Variants in PPIP5K2 observed in about 807,000 individuals in gnomAD.
PPIP5K2 encodes the protein diphosphoinositol pentakisphosphate kinase 2.
PPIP5K2 carries 105 observed loss-of-function variants against 154.6 expected under a neutral mutation model. The ratio of observed to expected loss-of-function variants is 0.68; its 90% CI spans 0.58 to 0.80. The LOEUF is 0.80. PPIP5K2 is among the 30% of genes least tolerant of loss of function. The pLI is 0.00. For missense variants in PPIP5K2, 992 were observed against 1,504.6 expected (o/e 0.66, Z 5.64); for synonymous variants, 480 against 490.3 (o/e 0.98, Z 0.28).
chr5:103,144,181 C>T (rs1278474384), intron 5 of PPIP5K2, among the ~76,000 whole-genome samples: 1 of 150,898 alleles, frequency 6.6e-6, no homozygotes, highest in African/African-American at 2.4e-5. Context: ...ATCCCATTTA[C>T]AATAGCTACA....
At chr5:103,173,757 A>G (rs1342970102) in intron 20 of PPIP5K2, 101 bp from the exon 21 acceptor site, 3 of 795,862 alleles carry the variant, frequency 3.8e-6, no homozygotes, top group South Asian at 1.6e-5. Flanking sequence ...GTGGTCTTTT[A>G]CTTCTAGTGA....
At chr5:103,195,927 G>C (rs1209677226) in intron 30 of PPIP5K2, among the ~76,000 whole-genome samples, 2 of 152,184 alleles carry the variant, frequency 1.3e-5, no homozygotes, top group African/African-American at 4.8e-5. Context: ...TATTAGCTAT[G>C]TGACTCTGGA....
At position 103,174,186 on chromosome 5, in the gene PPIP5K2, ATAAAG is replaced by A. The variant is rs1349138870; in HGVS notation, c.2529+217_2529+221del. On this transcript the variant is annotated intron_variant, in intron 21 of 30. Coordinates refer to ENST00000358359, the MANE Select transcript of PPIP5K2 (RefSeq NM_001276277.3). ...AAGATACATTTAAGCAAACAATAAT[ATAAAG>A]TATTTTAGGTGATTTTATAGACTGG... 43 of 412,296 alleles carry A rather than the reference ATAAAG, an allele frequency of 1.0e-4. No individual in the cohort carries two copies. The East Asian group carries it at 1.8e-3, about 18-fold the overall frequency. The allele number at this position is 412,296 out of a possible 1,614,324, so 25.5% of individuals were successfully genotyped here. A position where few individuals can be genotyped will look rare whatever the true frequency, so the allele number is the denominator to read the frequency against.
chr5:103,144,387 A>C (rs926222115), intron 5 of PPIP5K2, among the ~76,000 whole-genome samples: 2 of 152,166 alleles, frequency 1.3e-5, no homozygotes, highest in Admixed American at 1.3e-4. Context: ...CAATGCAGTC[A>C]GAATAGCAAA....
chr5:103,174,188 A>G (rs1158847239), intron 21 of PPIP5K2: 1 of 403,740 alleles, frequency 2.5e-6, no homozygotes, highest in Non-Finnish European at 4.4e-6. Context: ...ACAATAATAT[A>G]AAGTATTTTA....
intron 19 of PPIP5K2, among the ~76,000 whole-genome samples, chr5:103,170,487 G>T (rs1797811845): frequency 6.6e-6 from 1 of 151,474 alleles, no homozygotes; most frequent in African/African-American, 2.4e-5. Context: ...TTATGCCCAA[G>T]TTTACATAAA....
Position 103,152,744 on chromosome 5 carries a change from A to G in PPIP5K2, c.1125A>G (p.Gly375=). 6.5e-7 allele frequency: 1 copy of G among 1,539,742 alleles called. No homozygotes were observed. The highest frequency in any genetic ancestry group is 9.0e-7 in the Non-Finnish European group (1 of 1,114,128). The change falls in exon 10 of 31, where the codon GGA becomes GGG. Residue 375 remains glycine, a synonymous_variant. Coordinates refer to ENST00000358359, the MANE Select transcript of PPIP5K2 (RefSeq NM_001276277.3). ...TCCCAATTGTACCAACTACATCTGG[A>G]ACTATGTAAGTCTGAATTATTTTCA... is the stretch of plus-strand genomic sequence containing the variant. ...EDIPIVPTTS[G]TMMELRCVIA...
At chr5:103,164,495 A>G (rs1399269896) in intron 17 of PPIP5K2, among the ~76,000 whole-genome samples, 1 of 152,026 alleles carries the variant, frequency 6.6e-6, no homozygotes, top group African/African-American at 2.4e-5. Context: ...TGTGCACCCT[A>G]GGCCGTATAT....
intron 24 of PPIP5K2, 58 bp from the exon 25 acceptor site, chr5:103,183,176 C>CTGTTTTTTTT: frequency 1.9e-6 from 1 of 538,166 alleles, no homozygotes; most frequent in Non-Finnish European, 2.3e-6. Flanking sequence ...GCATGCTCTG[C>CTGTTTTTTTT]TTTTTTTTTT....
Position 103,158,587 on chromosome 5 carries a change from T to C in PPIP5K2, c.1737+14T>C. The C allele has an allele frequency of 1.3e-6, 2 of 1,554,604 alleles. No individual in the cohort carries two copies. The highest frequency in any genetic ancestry group is 1.2e-5 in the South Asian group (1 of 80,890). On this transcript the variant is annotated intron_variant, in intron 16 of 30. Transcript: ENST00000358359. ...GCTTTTGCAAAGGTATAAATAATTTTTTTTTAGAATTATTAGAGTTTTTAA... is the reference window on the plus strand; with the variant it reads ...GCTTTTGCAAAGGTATAAATAATTTCTTTTTAGAATTATTAGAGTTTTTAA...
chr5:103,129,026 T>G (rs1790185279), intron 1 of PPIP5K2, among the ~76,000 whole-genome samples: 1 of 152,200 alleles, frequency 6.6e-6, no homozygotes, highest in African/African-American at 2.4e-5. Context: ...TTTCTCTTAA[T>G]TAGTTTAGCT....
chr5:103,129,630 C>A lies in PPIP5K2; in HGVS notation c.41C>A (p.Thr14Lys). 1 of 1,608,808 alleles carries A rather than the reference C, an allele frequency of 6.2e-7. No homozygotes were observed. The highest frequency in any genetic ancestry group is 1.3e-5 in the African/African-American group (1 of 74,742). Reference protein sequence around the residue: ...APRFFVGPEDTEINPGNYRHF... With the variant: ...APRFFVGPEDKEINPGNYRHF... ...AGATTCTTCGTTGGACCAGAAGATA[C>A]AGAAATAAATCCTGGAAATTATCGA... The change falls in exon 2 of 31, where the codon ACA (threonine) becomes AAA (lysine). Residue 14 changes from threonine to lysine, a missense_variant. Physicochemically the swap from Thr to Lys is moderately conservative, Grantham distance 78. This residue lies in a region of PPIP5K2 where 153 missense variants were observed against 200.4 expected (regional missense o/e 0.76). Coordinates refer to ENST00000358359, the MANE Select transcript of PPIP5K2 (RefSeq NM_001276277.3).
intron 28 of PPIP5K2, chr5:103,189,028 A>G (rs1329660583): frequency 1.8e-6 from 1 of 560,558 alleles, no homozygotes; most frequent in East Asian, 3.1e-5. Context: ...TTTACTTTTT[A>G]TTTCCCCTAA....
At chr5:103,170,172 G>A (rs994841855) in intron 19 of PPIP5K2, among the ~76,000 whole-genome samples, 1 of 151,550 alleles carries the variant, frequency 6.6e-6, no homozygotes. Flanking sequence ...TGTATTTCAG[G>A]TGTATTGTTT....
At position 103,146,600 on chromosome 5, in the gene PPIP5K2, G is replaced by C; in HGVS notation, c.561G>C (p.Lys187Asn). ...GEVFQKPFVE[K>N]PVSAEDHNVY... ...TTTTTCAAAAGCCATTTGTAGAAAA[G>C]CCAGTCAGTGCAGAAGATCACAATG... is the stretch of plus-strand genomic sequence containing the variant. The change falls in exon 6 of 31, where the codon AAG becomes AAC. Residue 187 changes from lysine to asparagine, a missense_variant. Lys to Asn is a moderately conservative substitution (Grantham distance 94, BLOSUM62 0). Transcript: ENST00000358359. 2 of 1,612,690 alleles carry C rather than the reference G, an allele frequency of 1.2e-6. No individual in the cohort carries two copies. The highest frequency in any genetic ancestry group is 1.3e-5 in the African/African-American group (1 of 74,994).
chr5:103,151,142 G>T, intron 8 of PPIP5K2, 111 bp from the exon 9 acceptor site: 2 of 835,822 alleles, frequency 2.4e-6, no homozygotes, highest in Non-Finnish European at 1.8e-6. Context: ...CCACTATATA[G>T]TAATATACTT....
intron 1 of PPIP5K2, among the ~76,000 whole-genome samples, chr5:103,128,752 G>A (rs1261774962): frequency 3.3e-5 from 5 of 152,054 alleles, no homozygotes; most frequent in African/African-American, 9.7e-5. Context: ...TTTAAGAGCT[G>A]CTGTTAAATG....
intron 28 of PPIP5K2, chr5:103,188,559 T>A (rs1393575276): frequency 2.0e-5 from 3 of 152,170 alleles, no homozygotes; most frequent in African/African-American, 7.2e-5. Context: ...TAAATGCTAC[T>A]TTTTGAAGAA....
intron 30 of PPIP5K2, among the ~76,000 whole-genome samples, chr5:103,200,457 T>C (rs957432789): frequency 2.2e-4 from 33 of 151,416 alleles, no homozygotes; most frequent in African/African-American, 8.0e-4. Context: ...CCTGCTCTTG[T>C]TCACTATTTA....
Sources: allele counts gnomAD v4.1 joint callset (sites outside exome capture counted in the v4.1 genomes callset), GRCh38; gene constraint gnomAD v4.1.1; regional missense constraint gnomAD v4.1.1; transcripts MANE v1.5; gene names NCBI Gene and HGNC (gene_info 2026-07-23, HGNC 2026-07-21).